Variants in LMX1A observed in about 807,000 individuals in gnomAD.
The protein encoded by LMX1A is LIM homeobox transcription factor 1-alpha.
In LMX1A, 15 loss-of-function variants were observed where a neutral mutation model predicts 49.1. That is an observed-to-expected ratio of 0.31 (90% CI 0.20 to 0.47). The LOEUF (loss-of-function observed/expected upper bound fraction) is 0.47. LMX1A is among the 20% of genes least tolerant of loss of function. LMX1A has a pLI of 1.00. For missense variants in LMX1A, 372 were observed against 475.8 expected (o/e 0.78, Z 2.03); for synonymous variants, 167 against 185.7 (o/e 0.90, Z 0.82).
At chr1:165,245,136 G>GT (rs1482674367) in intron 4 of LMX1A, among the ~76,000 whole-genome samples, 2 of 151,972 alleles carry the variant, frequency 1.3e-5, no homozygotes, top group African/African-American at 2.4e-5. Flanking sequence ...GCATGTGCAG[G>GT]TTTTTTACAT....
At chr1:165,283,396 A>G (rs1347219110) in intron 3 of LMX1A, among the ~76,000 whole-genome samples, 2 of 152,224 alleles carry the variant, frequency 1.3e-5, no homozygotes, top group Non-Finnish European at 2.9e-5. Flanking sequence ...GTCATTAAGT[A>G]ACACATGACT....
At chr1:165,253,647 A>C (rs563854675) in intron 3 of LMX1A, among the ~76,000 whole-genome samples, 3 of 152,348 alleles carry the variant, frequency 2.0e-5, no homozygotes, top group Non-Finnish European at 1.5e-5. Context: ...GCCTGGAAGC[A>C]CCACACCAGT....
At chr1:165,298,827 A>G (rs755611547) in intron 3 of LMX1A, among the ~76,000 whole-genome samples, 10 of 152,260 alleles carry the variant, frequency 6.6e-5, no homozygotes, top group Non-Finnish European at 1.2e-4. Context: ...GAAAGACTGC[A>G]GAATTACAGA....
intron 3 of LMX1A, among the ~76,000 whole-genome samples, chr1:165,313,681 A>G (rs1422300882): frequency 2.6e-5 from 4 of 151,946 alleles, no homozygotes. Flanking sequence ...GGGGGAATAA[A>G]TTCCCAGCTC....
At chr1:165,232,615 T>C (rs1392100172) in intron 4 of LMX1A, among the ~76,000 whole-genome samples, 1 of 152,144 alleles carries the variant, frequency 6.6e-6, no homozygotes, top group African/African-American at 2.4e-5. Context: ...GCTGGTCATA[T>C]AAGAAGAAAA....
chr1:165,349,968 CT>C (rs1354821491), intron 3 of LMX1A, among the ~76,000 whole-genome samples: 4 of 152,098 alleles, frequency 2.6e-5, no homozygotes, highest in Non-Finnish European at 5.9e-5. Flanking sequence ...ACACTGAAAA[CT>C]GTGCATTCCC....
chr1:165,327,510 A>T (rs1655624423), intron 3 of LMX1A, among the ~76,000 whole-genome samples: 1 of 152,242 alleles, frequency 6.6e-6, no homozygotes, highest in South Asian at 2.1e-4. Flanking sequence ...CAAATCCTGG[A>T]GCTGAGTCTT....
chr1:165,333,406 A>G (rs1480174307), intron 3 of LMX1A, among the ~76,000 whole-genome samples: 1 of 151,868 alleles, frequency 6.6e-6, no homozygotes, highest in Non-Finnish European at 1.5e-5. Context: ...TGATCTGCCC[A>G]CCTCCGCCTC....
At chr1:165,212,273 G>C (rs1473463954) in intron 5 of LMX1A, among the ~76,000 whole-genome samples, 1 of 152,128 alleles carries the variant, frequency 6.6e-6, no homozygotes, top group Non-Finnish European at 1.5e-5. Context: ...TGGCCTGTGG[G>C]ATGTGATGTG....
At chr1:165,299,430 T>G (rs57875687) in intron 3 of LMX1A, among the ~76,000 whole-genome samples, 7,136 of 152,238 alleles carry the variant, frequency 0.047, 568 homozygotes, top group African/African-American at 0.16. Flanking sequence ...ATGCTCTCTA[T>G]CCTGGAAAGC....
intron 3 of LMX1A, among the ~76,000 whole-genome samples, chr1:165,255,850 G>C (rs1041930332): frequency 3.9e-5 from 6 of 152,122 alleles, no homozygotes; most frequent in Admixed American, 6.6e-5. Context: ...GTGCATGTCT[G>C]TAATCTCAGC....
intron 4 of LMX1A, among the ~76,000 whole-genome samples, chr1:165,243,131 T>C (rs1286647136): frequency 1.3e-5 from 2 of 152,182 alleles, no homozygotes; most frequent in Non-Finnish European, 2.9e-5. Context: ...AATGTTAGCA[T>C]TACAGGAAGC....
chr1:165,315,675 G>A (rs1655197517), intron 3 of LMX1A, among the ~76,000 whole-genome samples: 1 of 152,170 alleles, frequency 6.6e-6, no homozygotes, highest in African/African-American at 2.4e-5. Flanking sequence ...GTGTCTGACA[G>A]CCTTGAGATC....
chr1:165,334,262 T>A (rs1050850930), intron 3 of LMX1A, among the ~76,000 whole-genome samples: 1 of 152,106 alleles, frequency 6.6e-6, no homozygotes, highest in Non-Finnish European at 1.5e-5. Flanking sequence ...GCAATTCAGT[T>A]GAAAAGGCAC....
intron 3 of LMX1A, among the ~76,000 whole-genome samples, chr1:165,271,570 GATCCTGCAGGAC>G (rs574708817): frequency 1.2e-4 from 18 of 152,176 alleles, no homozygotes; most frequent in Non-Finnish European, 2.2e-4. Context: ...GAAGTACATG[GATCCTGCAGGAC>G]ATCCCTGCAA....
At chr1:165,212,180 A>G (rs1280646607) in intron 5 of LMX1A, among the ~76,000 whole-genome samples, 1 of 152,246 alleles carries the variant, frequency 6.6e-6, no homozygotes, top group Non-Finnish European at 1.5e-5. Context: ...TGCTCAACAA[A>G]TATCTATCCT....
At chr1:165,213,522 CTG>C in intron 5 of LMX1A, 117 bp downstream of exon 5, 1 of 924,330 alleles carries the variant, frequency 1.1e-6, no homozygotes, top group East Asian at 2.4e-5. Context: ...TGTGCAGGCT[CTG>C]TCTGAACAGC....
chr1:165,275,778 G>A (rs187688305), intron 3 of LMX1A, among the ~76,000 whole-genome samples: 117 of 152,150 alleles, frequency 7.7e-4, no homozygotes, highest in African/African-American at 2.4e-3. Context: ...ACACAGGAAC[G>A]ACAACTGGGA....
intron 3 of LMX1A, among the ~76,000 whole-genome samples, chr1:165,322,348 TA>T (rs1197985268): frequency 1.3e-5 from 2 of 152,074 alleles, no homozygotes; most frequent in Non-Finnish European, 2.9e-5. Flanking sequence ...GAACTGAAAA[TA>T]GGTGTTCAAA....
Sources: gnomAD v4.1 joint callset for allele counts (sites outside exome capture counted in the v4.1 genomes callset) on GRCh38, gnomAD v4.1.1 for gene constraint, MANE v1.5 for transcripts, NCBI Gene and HGNC (gene_info 2026-07-23, HGNC 2026-07-21) for gene names.